The following PASD1 variants were observed in gnomAD, a reference collection of about 807,000 sequenced individuals.
PASD1 encodes the protein circadian clock protein PASD1.
A neutral mutation model predicts 58.8 loss-of-function variants in PASD1; 13 were observed. The ratio of observed to expected loss-of-function variants is 0.22; its 90% confidence interval spans 0.14 to 0.35. The LOEUF (loss-of-function observed/expected upper bound fraction) is 0.35, where lower values mean the gene tolerates loss of function less well. Ranked by LOEUF, PASD1 falls within the 10% of genes least tolerant of loss-of-function variation. PASD1 has a pLI of 1.00. For missense variants in PASD1, 734 were observed against 568.3 expected (o/e 1.29, Z -2.96); for synonymous variants, 236 against 216.7 (o/e 1.09, Z -0.78).
chrX:151,632,139 A>C (rs1280786050), intron 8 of PASD1, among the ~76,000 whole-genome samples: 1 of 110,791 alleles, frequency 9.0e-6, no homozygotes, highest in East Asian at 2.8e-4. Context: ...TTGAGCAGTG[A>C]AAGGGGTATA....
intron 4 of PASD1, among the ~76,000 whole-genome samples, chrX:151,614,817 A>G (rs2013617525): frequency 8.9e-6 from 1 of 111,895 alleles, no homozygotes; most frequent in Non-Finnish European, 1.9e-5. Context: ...CCTTCTTGGA[A>G]GCTCAGAGTC....
intron 4 of PASD1, among the ~76,000 whole-genome samples, chrX:151,617,179 C>T (rs1286526876): frequency 2.7e-5 from 3 of 111,479 alleles, no homozygotes; most frequent in Non-Finnish European, 5.7e-5. Flanking sequence ...GTACCTTGAT[C>T]TTTCTACCTT....
At chrX:151,644,693 T>C (rs112373880) in intron 8 of PASD1, among the ~76,000 whole-genome samples, 7 of 111,258 alleles carry the variant, frequency 6.3e-5, no homozygotes, top group East Asian at 2.8e-4. Context: ...ACCACACTTA[T>C]GGGGACTGTA....
At chrX:151,598,767 G>A (rs922786323) in intron 1 of PASD1, among the ~76,000 whole-genome samples, 15 of 111,258 alleles carry the variant, frequency 1.3e-4, no homozygotes, top group South Asian at 3.9e-4. Context: ...GTTCTTGGGG[G>A]ATTCATACTG....
intron 12 of PASD1, 73 bp downstream of exon 12, chrX:151,671,269 C>A: frequency 9.0e-7 from 1 of 1,108,358 alleles, no homozygotes; most frequent in South Asian, 2.1e-5. Flanking sequence ...GAGAGAGGGA[C>A]CTTGGCAAGC....
At chrX:151,578,162 A>G (rs1400770991) in intron 1 of PASD1, 1 of 112,449 alleles carries the variant, frequency 8.9e-6, no homozygotes, top group Non-Finnish European at 1.9e-5. Flanking sequence ...TCCTAGATCT[A>G]TTAAAAGTGC....
At chrX:151,582,586 T>C (rs892268457) in intron 1 of PASD1, among the ~76,000 whole-genome samples, 1 of 111,239 alleles carries the variant, frequency 9.0e-6, no homozygotes, top group Non-Finnish European at 1.9e-5. Flanking sequence ...GGCCTAGAAC[T>C]CAAATACTGG....
intron 1 of PASD1, among the ~76,000 whole-genome samples, chrX:151,581,595 T>A (rs1470407310): frequency 9.0e-6 from 1 of 111,094 alleles, no homozygotes; most frequent in Non-Finnish European, 1.9e-5. Flanking sequence ...TAAAATTAAT[T>A]AATTAATTTA....
intron 8 of PASD1, among the ~76,000 whole-genome samples, chrX:151,640,857 A>T (rs1432789580): frequency 2.7e-5 from 3 of 112,054 alleles, no homozygotes; most frequent in African/African-American, 9.7e-5. Context: ...CTTCATGTTT[A>T]CTTAATATTT....
intron 1 of PASD1, 77 bp from the exon 2 acceptor site, chrX:151,601,450 T>C: frequency 2.7e-6 from 2 of 748,600 alleles, no homozygotes; most frequent in Non-Finnish European, 4.0e-6. Context: ...ATTGAGAATT[T>C]TGATTAGTCT....
intron 2 of PASD1, 132 bp downstream of exon 2, chrX:151,601,713 G>GT (rs754871161): frequency 2.2e-3 from 1,298 of 581,549 alleles, no homozygotes; most frequent in Non-Finnish European, 2.6e-3. Context: ...TTTCTCCAGT[G>GT]TTTTTTTTTC....
chrX:151,659,737 G>A lies in PASD1; in HGVS notation c.742G>A (p.Glu248Lys), dbSNP rs769941010. ...GGACCAAATTGATATTGCAGAGGTTGAGCAGTATGGACCACAAGAAAACGT... is the reference window on the plus strand; with the variant it reads ...GGACCAAATTGATATTGCAGAGGTTAAGCAGTATGGACCACAAGAAAACGT... The part of the protein sequence containing the change: ...SDDQIDIAEV[E>K]QYGPQENVHM... The change falls in exon 10 of 16, where the codon GAG becomes AAG. Residue 248 changes from glutamate (E) to lysine (K), a missense_variant. Glu to Lys is a moderately conservative substitution (Grantham distance 56). Transcript: ENST00000370357. 16 of 1,199,739 alleles carry A rather than the reference G, an allele frequency of 1.3e-5. No individual in the cohort carries two copies. The highest frequency in any genetic ancestry group is 1.7e-5 in the Non-Finnish European group (15 of 886,255).
chrX:151,672,939 C>T (rs769852882), intron 14 of PASD1: 2 of 316,031 alleles, frequency 6.3e-6, no homozygotes, highest in Non-Finnish European at 1.1e-5. Context: ...AGCCCACAAA[C>T]CTTGAAATCA....
chrX:151,642,969 C>G (rs2014015690), intron 8 of PASD1, among the ~76,000 whole-genome samples: 1 of 111,399 alleles, frequency 9.0e-6, no homozygotes, highest in African/African-American at 3.3e-5. Flanking sequence ...TGGGAGGAAA[C>G]TGGAGTCCAT....
chrX:151,652,547 CAAAA>C, intron 9 of PASD1, among the ~76,000 whole-genome samples: 1 of 59,549 alleles, frequency 1.7e-5, no homozygotes, highest in South Asian at 6.4e-4. Flanking sequence ...AAAAAAAAAA[CAAAA>C]AACAAACAAA....
At chrX:151,652,915 T>A (rs2124299397) in intron 9 of PASD1, among the ~76,000 whole-genome samples, 1 of 110,977 alleles carries the variant, frequency 9.0e-6, no homozygotes, top group African/African-American at 3.3e-5. Context: ...GAAGCCATTG[T>A]ATAGATTTTG....
At chrX:151,599,634 G>A (rs1407180193) in intron 1 of PASD1, among the ~76,000 whole-genome samples, 4 of 108,360 alleles carry the variant, frequency 3.7e-5, no homozygotes, top group East Asian at 3.0e-4. Flanking sequence ...ATGGGGTCGC[G>A]GCCGGGCAGA....
intron 1 of PASD1, among the ~76,000 whole-genome samples, chrX:151,594,147 G>A (rs900573867): frequency 9.1e-6 from 1 of 110,036 alleles, no homozygotes; most frequent in African/African-American, 3.3e-5. Context: ...CCAATTTTTC[G>A]TATTTTTAGT....
intron 7 of PASD1, among the ~76,000 whole-genome samples, chrX:151,624,973 G>C (rs1031167097): frequency 8.9e-6 from 1 of 111,958 alleles, no homozygotes; most frequent in Non-Finnish European, 1.9e-5. Flanking sequence ...GTCAACCCCA[G>C]TAACTACTTC....
Sources: gnomAD v4.1 joint callset for allele counts (sites outside exome capture counted in the v4.1 genomes callset) on GRCh38, gnomAD v4.1.1 for gene constraint, MANE v1.5 for transcripts, NCBI Gene and HGNC (gene_info 2026-07-23, HGNC 2026-07-21) for gene names.